TMEM232: variants seen among roughly 807,000 people sequenced by gnomAD.
The protein encoded by TMEM232 is transmembrane protein 232.
Under a neutral mutation model 78.8 loss-of-function variants are expected in TMEM232, and 80 were observed. That is an observed-to-expected ratio of 1.01 (90% CI 0.85 to 1.22). The LOEUF (loss-of-function observed/expected upper bound fraction) is 1.22. Among genes scored for constraint, TMEM232 ranks in the 50% most tolerant of loss-of-function variants. The pLI is 0.00. For synonymous variants in TMEM232, 297 were observed against 254.3 expected, an observed-to-expected ratio of 1.17 and a Z score of -1.60; for missense variants, 881 against 742.2, an observed-to-expected ratio of 1.19 and a Z score of -2.17.
chr5:110,498,828 C>A (rs1580943789), intron 12 of TMEM232, among the ~76,000 whole-genome samples: 1 of 152,184 alleles, frequency 6.6e-6, no homozygotes, highest in East Asian at 1.9e-4. Context: ...AGACTAAAAG[C>A]TAAACTAAAA....
chr5:110,457,618 A>C (rs182275354), intron 12 of TMEM232, among the ~76,000 whole-genome samples: 2 of 152,228 alleles, frequency 1.3e-5, no homozygotes, highest in East Asian at 3.9e-4. Context: ...TTGATGTATG[A>C]ATAAAAACCT....
Position 110,638,256 on chromosome 5 carries a change from A to G in TMEM232, c.443T>C (p.Leu148Pro). 3.2e-6 allele frequency: 5 copies of G among 1,550,926 alleles called. No individual in the cohort carries two copies. The highest frequency in any genetic ancestry group is 1.2e-5 in the South Asian group (1 of 83,940). Residue 148 changes from leucine (L) to proline (P), a missense_variant, in exon 5 of 14, where the codon CTG (leucine) becomes CCG (proline). By Grantham distance (98) the Leu-to-Pro change is moderately conservative (BLOSUM62 -3). Coordinates refer to ENST00000455884, the MANE Select transcript of TMEM232 (RefSeq NM_001039763.4). The part of the protein sequence containing the change: ...FFVAESVLYR[L>P]CCDASLKTYL... ...TGTTTTGAGGGATGCATCACAACAC[A>G]GTCTGTATAAAACCGATTCCGCAAC...
intron 4 of TMEM232, among the ~76,000 whole-genome samples, chr5:110,388,629 A>T (rs1260494286): frequency 6.6e-6 from 1 of 152,036 alleles, no homozygotes; most frequent in Non-Finnish European, 1.5e-5. Flanking sequence ...ACATCTTTCA[A>T]TCACATCTTC....
chr5:110,693,626 A>AAAACC (rs1794405293), intron 1 of TMEM232, among the ~76,000 whole-genome samples: 1 of 152,228 alleles, frequency 6.6e-6, no homozygotes, highest in Non-Finnish European at 1.5e-5. Context: ...GATGGAGCTG[A>AAAACC]AAACCACGGC....
At position 110,483,749 on chromosome 5, in the gene TMEM232, T is replaced by TAA. The variant is rs368161806; in HGVS notation, c.1703+44837_1703+44838dup. ...ATGTACCCTAAAACTTAAAGTATAATAAAAAAAAAAGAATGTAAAACAGAA... is the reference window on the plus strand; with the variant it reads ...ATGTACCCTAAAACTTAAAGTATAATAAAAAAAAAAAAGAATGTAAAACAGAA... On this transcript the variant is annotated intron_variant, in intron 12 of 13. Transcript: ENST00000455884. Among the ~76,000 whole-genome samples the TAA allele has an allele frequency of 1.1e-4, 16 of 146,720 alleles. 1 individual carries two copies. The highest frequency in any genetic ancestry group is 3.7e-4 in the African/African-American group (15 of 40,308).
chr5:110,648,559 T>C (rs912022444), intron 2 of TMEM232, among the ~76,000 whole-genome samples: 2 of 151,930 alleles, frequency 1.3e-5, no homozygotes, highest in African/African-American at 4.8e-5. Context: ...TGAAGCAAAA[T>C]GTTCTTTCTT....
chr5:110,499,091 A>G (rs910302490), intron 12 of TMEM232, among the ~76,000 whole-genome samples: 1 of 152,194 alleles, frequency 6.6e-6, no homozygotes, highest in Non-Finnish European at 1.5e-5. Flanking sequence ...GGCAATAAAG[A>G]AAATAAAATG....
intron 1 of TMEM232, among the ~76,000 whole-genome samples, chr5:110,705,433 G>A (rs1795829582): frequency 6.6e-6 from 1 of 152,036 alleles, no homozygotes; most frequent in Admixed American, 6.6e-5. Context: ...AAGCTGCATG[G>A]AAAGATAATG....
chr5:110,590,682 G>C (rs1779404342), intron 10 of TMEM232, among the ~76,000 whole-genome samples: 1 of 152,016 alleles, frequency 6.6e-6, no homozygotes, highest in Non-Finnish European at 1.5e-5. Flanking sequence ...CTTCATGGGG[G>C]TTGTATTCAT....
chr5:110,651,671 T>C (rs1378291471), intron 2 of TMEM232, among the ~76,000 whole-genome samples: 1 of 152,066 alleles, frequency 6.6e-6, no homozygotes, highest in Admixed American at 6.6e-5. Context: ...CTGAGACTGC[T>C]GTTCAGAGAA....
At chr5:110,554,141 T>A (rs1343218085) in intron 11 of TMEM232, among the ~76,000 whole-genome samples, 1 of 152,146 alleles carries the variant, frequency 6.6e-6, no homozygotes, top group Admixed American at 6.6e-5. Flanking sequence ...TGTGAGGGTG[T>A]TGCCAAAGGA....
chr5:110,612,108 A>T (rs1782370554), intron 8 of TMEM232, among the ~76,000 whole-genome samples: 2 of 152,282 alleles, frequency 1.3e-5, no homozygotes, highest in South Asian at 4.1e-4. Context: ...GATGTTTTTC[A>T]TATTACTTAT....
At chr5:110,467,910 T>TTCCCAAAAC (rs575987487) in intron 12 of TMEM232, among the ~76,000 whole-genome samples, 4,387 of 152,232 alleles carry the variant, frequency 0.029, 69 homozygotes, top group African/African-American at 0.047. Flanking sequence ...GAATCTTCTA[T>TTCCCAAAAC]ACTCTTTGGC....
intron 5 of TMEM232, 55 bp from the exon 6 acceptor site, chr5:110,627,935 A>G: frequency 8.5e-7 from 1 of 1,179,140 alleles, no homozygotes; most frequent in Non-Finnish European, 1.2e-6. Flanking sequence ...AAATGTTTAA[A>G]AACCATAAGA....
In TMEM232 at chr5:110,586,818, C is replaced by A. The variant is rs957899954; in HGVS notation, c.1277-18193G>T. On this transcript the variant is annotated intron_variant, in intron 10 of 13. Transcript: ENST00000455884. Reference sequence around the variant, plus strand: ...ATCAGAGGGTGAGTTTATGTTACTCCTCATAAATTTTTAGATTTAAGTTTA... The same window carrying A: ...ATCAGAGGGTGAGTTTATGTTACTCATCATAAATTTTTAGATTTAAGTTTA... Among the ~76,000 whole-genome samples the A allele has an allele frequency of 1.0e-3, 155 of 152,092 alleles. 1 individual carries two copies. Among genetic ancestry groups the A allele is most frequent in the Non-Finnish European group, 7.4e-5 (5 of 67,984 alleles).
intron 1 of TMEM232, among the ~76,000 whole-genome samples, chr5:110,694,361 C>T (rs774603344): frequency 1.3e-5 from 2 of 152,098 alleles, no homozygotes; most frequent in Non-Finnish European, 2.9e-5. Flanking sequence ...TGCCAAATTG[C>T]AAAGACCATC....
intron 10 of TMEM232, among the ~76,000 whole-genome samples, chr5:110,591,163 G>C (rs1779478627): frequency 6.6e-6 from 1 of 152,076 alleles, no homozygotes; most frequent in South Asian, 2.1e-4. Context: ...TGGTCCATAA[G>C]AACATTATTT....
At chr5:110,447,995 TA>T (rs1759852753) in intron 12 of TMEM232, among the ~76,000 whole-genome samples, 1 of 152,092 alleles carries the variant, frequency 6.6e-6, no homozygotes, top group South Asian at 2.1e-4. Context: ...ACAGAAAACT[TA>T]TAGAGCTGAA....
chr5:110,479,083 G>A (rs984353739), intron 12 of TMEM232, among the ~76,000 whole-genome samples: 1 of 151,494 alleles, frequency 6.6e-6, no homozygotes, highest in Non-Finnish European at 1.5e-5. Flanking sequence ...ACCACATCTA[G>A]TCTATATATA....
Sources: gnomAD v4.1 joint callset for allele counts (sites outside exome capture counted in the v4.1 genomes callset) on GRCh38, gnomAD v4.1.1 for gene constraint, MANE v1.5 for transcripts, NCBI Gene and HGNC (gene_info 2026-07-23, HGNC 2026-07-21) for gene names.